The following EVA1C variants were observed in gnomAD, a reference collection of about 807,000 sequenced individuals.
EVA1C encodes eva-1 homolog C, also known as protein eva-1 homolog C.
In EVA1C, 25 loss-of-function variants were observed where a neutral mutation model predicts 45.4. That is an observed-to-expected ratio of 0.55 (90% CI 0.40 to 0.77). The LOEUF (loss-of-function observed/expected upper bound fraction) is 0.77. Ranked by LOEUF, EVA1C falls within the 30% of genes least tolerant of loss-of-function variation. EVA1C has a pLI of 0.00. For synonymous variants in EVA1C, 190 were observed against 221.2 expected (o/e 0.86, Z 1.25); for missense variants, 479 against 554.8 (o/e 0.86, Z 1.37).
chr21:32,472,452 G>A lies in EVA1C; in HGVS notation c.634+4604G>A, dbSNP rs569252393. ...TGGGATTACAGGTGTGAGCCACTGC[G>A]CCCGGCTGAGAGTTGGATTTAAAAA... On this transcript the variant is annotated intron_variant, in intron 4 of 7. Coordinates refer to ENST00000300255, the MANE Select transcript of EVA1C (RefSeq NM_058187.5). Among the ~76,000 whole-genome samples the A allele has an allele frequency of 1.3e-4, 20 of 152,228 alleles. No individual in the cohort carries two copies. In the South Asian group the frequency reaches 3.3e-3, roughly 25 times the overall value.
intron 1 of EVA1C, among the ~76,000 whole-genome samples, chr21:32,423,737 T>C (rs1336276391): frequency 6.6e-6 from 1 of 152,176 alleles, no homozygotes; most frequent in Non-Finnish European, 1.5e-5. Flanking sequence ...AGTTAGAGAA[T>C]GAAATGATGC....
intron 1 of EVA1C, chr21:32,453,027 T>C (rs1172284593): frequency 1.1e-5 from 4 of 353,876 alleles, no homozygotes; most frequent in South Asian, 9.2e-5. Flanking sequence ...CTAAGGTCCA[T>C]GGGCACAAGC....
intron 5 of EVA1C, among the ~76,000 whole-genome samples, chr21:32,496,223 T>C (rs76427747): frequency 0.035 from 5,321 of 152,300 alleles, 239 homozygotes; most frequent in African/African-American, 0.1. Context: ...TTGCCTCTTC[T>C]AGACATTTCC....
chr21:32,502,033 TTTCTTTCTTTCTTTC>T (rs2037565946), intron 6 of EVA1C, among the ~76,000 whole-genome samples: 2 of 115,806 alleles, frequency 1.7e-5, no homozygotes, highest in Admixed American at 8.5e-5. Context: ...TCTTTCTTTC[TTTCTTTCTTTCTTTC>T]TTTCTTCTTT....
At chr21:32,450,813 G>A (rs900898128) in intron 1 of EVA1C, among the ~76,000 whole-genome samples, 5 of 152,258 alleles carry the variant, frequency 3.3e-5, no homozygotes, top group African/African-American at 1.2e-4. Context: ...GTGCCTGGGG[G>A]GTACACTGTG....
Position 32,412,824 on chromosome 21 carries a change from C to A in EVA1C, c.-30C>A. On this transcript the variant is annotated 5_prime_UTR_variant, in exon 1 of 8. It adds an upstream start codon to the 5' untranslated region. Coordinates refer to ENST00000300255, the MANE Select transcript of EVA1C (RefSeq NM_058187.5). ...CTGCGACCCCCAGCGCGTCCCGGGCCTGCGCCTCCGCCCCGCCGCGCAGCG... is the reference window on the plus strand; with the variant it reads ...CTGCGACCCCCAGCGCGTCCCGGGCATGCGCCTCCGCCCCGCCGCGCAGCG... 7.3e-7 allele frequency: 1 copy of A among 1,378,466 alleles called. No homozygotes were observed. 85.4% of individuals were successfully genotyped at this position (1,378,466 alleles called of 1,614,324 possible).
chr21:32,420,339 C>A (rs1362595058), intron 1 of EVA1C, among the ~76,000 whole-genome samples: 1 of 152,136 alleles, frequency 6.6e-6, no homozygotes, highest in Non-Finnish European at 1.5e-5. Context: ...CACCACACTC[C>A]AGCCTGGGCA....
intron 4 of EVA1C, among the ~76,000 whole-genome samples, chr21:32,487,268 C>G (rs2037000725): frequency 6.6e-6 from 1 of 152,134 alleles, no homozygotes; most frequent in Non-Finnish European, 1.5e-5. Context: ...TCACACCCAC[C>G]CCCTATCTCC....
intron 4 of EVA1C, among the ~76,000 whole-genome samples, chr21:32,472,920 G>A (rs1176520982): frequency 6.6e-6 from 1 of 152,232 alleles, no homozygotes; most frequent in Non-Finnish European, 1.5e-5. Flanking sequence ...TGGTGTACGT[G>A]CAAGGGTGAG....
At chr21:32,491,852 G>A (rs577753006) in intron 4 of EVA1C, among the ~76,000 whole-genome samples, 110 of 152,208 alleles carry the variant, frequency 7.2e-4, no homozygotes, top group Non-Finnish European at 1.4e-3. Flanking sequence ...CAGACGTGTG[G>A]AGTCAAAGGT....
At chr21:32,468,502 A>G (rs2036263457) in intron 4 of EVA1C, among the ~76,000 whole-genome samples, 1 of 151,692 alleles carries the variant, frequency 6.6e-6, no homozygotes. Flanking sequence ...CCCTTTATAT[A>G]TATACATAAA....
At chr21:32,415,810 C>T (rs1398246541) in intron 1 of EVA1C, among the ~76,000 whole-genome samples, 1 of 152,164 alleles carries the variant, frequency 6.6e-6, no homozygotes, top group Non-Finnish European at 1.5e-5. Flanking sequence ...AAAAATGAAT[C>T]CCAGCGAAGG....
At chr21:32,457,997 T>G (rs1348777249) in intron 3 of EVA1C, among the ~76,000 whole-genome samples, 1 of 152,222 alleles carries the variant, frequency 6.6e-6, no homozygotes, top group Non-Finnish European at 1.5e-5. Flanking sequence ...AAAACTCAGT[T>G]GTACTGATGC....
intron 5 of EVA1C, chr21:32,497,269 AT>A: frequency 1.3e-6 from 1 of 748,454 alleles, no homozygotes. Flanking sequence ...AACACATGAC[AT>A]TAGATCAAAG....
chr21:32,417,401 T>C (rs2034091187), intron 1 of EVA1C, among the ~76,000 whole-genome samples: 1 of 152,246 alleles, frequency 6.6e-6, no homozygotes, highest in South Asian at 2.1e-4. Flanking sequence ...TCCATGTGTG[T>C]CTGTGTCCTA....
intron 6 of EVA1C, among the ~76,000 whole-genome samples, chr21:32,502,616 C>T (rs2037596550): frequency 6.6e-6 from 1 of 152,044 alleles, no homozygotes. Flanking sequence ...TCTTTCCCCC[C>T]TAAGTATAAA....
chr21:32,472,690 G>A (rs1472051177), intron 4 of EVA1C, among the ~76,000 whole-genome samples: 1 of 152,092 alleles, frequency 6.6e-6, no homozygotes, highest in Non-Finnish European at 1.5e-5. Context: ...CAGATCCCAT[G>A]GCCTAAAAGA....
intron 4 of EVA1C, among the ~76,000 whole-genome samples, chr21:32,487,076 G>A (rs1260995197): frequency 6.6e-6 from 1 of 152,044 alleles, no homozygotes; most frequent in African/African-American, 2.4e-5. Context: ...TTTTGTCCTG[G>A]GCTCCTGAAA....
At chr21:32,495,684 G>A (rs1229310929) in intron 5 of EVA1C, among the ~76,000 whole-genome samples, 1 of 152,110 alleles carries the variant, frequency 6.6e-6, no homozygotes, top group African/African-American at 2.4e-5. Flanking sequence ...ATTGTTACAC[G>A]ACAGCATTAC....
Sources: gnomAD v4.1 joint callset for allele counts (sites outside exome capture counted in the v4.1 genomes callset) on GRCh38, gnomAD v4.1.1 for gene constraint, MANE v1.5 for transcripts, NCBI Gene and HGNC (gene_info 2026-07-23, HGNC 2026-07-21) for gene names.